The following RAG1 variants were observed in gnomAD, a reference collection of about 807,000 sequenced individuals.
The protein encoded by RAG1 is V(D)J recombination-activating protein 1.
RAG1 carries 35 observed loss-of-function variants against 62.7 expected under a neutral mutation model. The observed-to-expected ratio is 0.56, with a 90% CI of 0.43 to 0.74. The LOEUF is 0.74. RAG1 is among the 30% of genes least tolerant of loss of function. The probability of loss-of-function intolerance (pLI) is 0.00; values close to 1 mark genes in which losing one functional copy is unlikely to be tolerated. For missense variants in RAG1, 1,169 were observed against 1,278.6 expected, an observed-to-expected ratio of 0.91 and a Z score of 1.31; for synonymous variants, 461 against 470.3, an observed-to-expected ratio of 0.98 and a Z score of 0.26.
upstream of RAG1, chr11:36,566,313 A>G (rs530935112): frequency 1.1e-4 from 16 of 152,360 alleles, no homozygotes; most frequent in East Asian, 3.1e-3. Context: ...GGAAAGTCCA[A>G]AACAAACCAG....
intron 2 of RAG1, among the ~76,000 whole-genome samples, chr11:36,535,062 G>T (rs578203170): frequency 3.9e-5 from 6 of 152,292 alleles, no homozygotes; most frequent in African/African-American, 1.4e-4. Flanking sequence ...CCATAAAATT[G>T]TGTCATTTTG....
upstream of RAG1, among the ~76,000 whole-genome samples, chr11:36,565,218 C>T (rs73453401): frequency 0.074 from 11,312 of 152,240 alleles, 462 homozygotes; most frequent in African/African-American, 0.079. Flanking sequence ...CAAAATGCAG[C>T]GTTCACACAC....
intron 2 of RAG1, among the ~76,000 whole-genome samples, chr11:36,532,332 T>TATGTGTTA (rs1357666787): frequency 6.6e-6 from 1 of 152,178 alleles, no homozygotes; most frequent in African/African-American, 2.4e-5. Context: ...GGAAGTATTA[T>TATGTGTTA]ATGTGTTAAT....
chr11:36,558,812 T>G lies in RAG1; in HGVS notation c.-411-4573T>G, dbSNP rs1394571834. On this transcript the variant is annotated intron_variant and NMD_transcript_variant, in intron 3 of 9. Coordinates refer to the RAG1 transcript ENST00000534663. ...AGGACTTACTTCTGTCATTTTATTG[T>G]TTTCTGGTTGTTTTGCATTTCTCTT... Among the ~76,000 whole-genome samples the G allele has an allele frequency of 2.6e-5, 4 of 152,206 alleles. No individual in the cohort carries two copies. The South Asian group carries it at 8.3e-4, about 31-fold the overall frequency.
Position 36,531,432 on chromosome 11 carries a change from G to A in RAG1, n.429-4527G>A, listed in dbSNP as rs532582292. 2.5e-3 allele frequency among the ~76,000 whole-genome samples: 384 copies of A among 151,520 alleles called. 3 individuals are homozygous for A. Among genetic ancestry groups the A allele is most frequent in the African/African-American group, 8.6e-3 (354 of 41,364 alleles). On this transcript the variant is annotated intron_variant and non_coding_transcript_variant, in intron 2 of 2. Coordinates refer to the RAG1 transcript ENST00000529126. ...TTTTCTGTGAATTGCTTAAACATTCGTTAGAATTCCATTTTGATGTTTTAT... is the reference window on the plus strand; with the variant it reads ...TTTTCTGTGAATTGCTTAAACATTCATTAGAATTCCATTTTGATGTTTTAT...
intron 1 of RAG1, among the ~76,000 whole-genome samples, chr11:36,518,748 T>G (rs1158664649): frequency 6.6e-6 from 1 of 152,256 alleles, no homozygotes; most frequent in Non-Finnish European, 1.5e-5. Context: ...ATTAGCCCTT[T>G]GTCAGATGAG....
At chr11:36,545,751 TA>T (rs981630171) in intron 3 of RAG1, among the ~76,000 whole-genome samples, 2 of 152,128 alleles carry the variant, frequency 1.3e-5, no homozygotes, top group African/African-American at 2.4e-5. Context: ...ATTATAAACT[TA>T]AAAAAATAAA....
chr11:36,539,486 T>C (rs1300716775), downstream of RAG1, among the ~76,000 whole-genome samples: 12 of 152,166 alleles, frequency 7.9e-5, no homozygotes, highest in Non-Finnish European at 1.3e-4. Context: ...CCAGTTTTTT[T>C]TGTTTTTAGT....
In RAG1 at chr11:36,525,820, T is replaced by C. The variant is rs892295984; in HGVS notation, n.428+5591T>C. On this transcript the variant is annotated intron_variant and non_coding_transcript_variant, in intron 2 of 2. Coordinates refer to the RAG1 transcript ENST00000529126. ...TTTTTTTGTGAATTCTATGAGATTGTCTATATAGACAATCATGTCATCTGC... is the reference window on the plus strand; with the variant it reads ...TTTTTTTGTGAATTCTATGAGATTGCCTATATAGACAATCATGTCATCTGC... Among the ~76,000 whole-genome samples the C allele has an allele frequency of 4.6e-5, 7 of 152,196 alleles. No individual in the cohort carries two copies. In the East Asian group the frequency reaches 1.3e-3, roughly 29 times the overall value.
At chr11:36,558,505 T>A (rs1029030244) in intron 3 of RAG1, among the ~76,000 whole-genome samples, 6 of 152,196 alleles carry the variant, frequency 3.9e-5, no homozygotes, top group Non-Finnish European at 5.9e-5. Context: ...AATTGATTCA[T>A]TTATCATTAT....
intron 2 of RAG1, among the ~76,000 whole-genome samples, chr11:36,531,176 T>G (rs1428256157): frequency 6.6e-6 from 1 of 152,016 alleles, no homozygotes; most frequent in Non-Finnish European, 1.5e-5. Context: ...GGTTAATGTT[T>G]ACATGAAAAA....
intron 2 of RAG1, among the ~76,000 whole-genome samples, chr11:36,528,569 T>C (rs1225659083): frequency 1.3e-5 from 2 of 151,826 alleles, no homozygotes; most frequent in Admixed American, 1.3e-4. Flanking sequence ...CACCCTAACA[T>C]AATCACAATT....
chr11:36,544,683 A>T (rs1447252680), intron 3 of RAG1, among the ~76,000 whole-genome samples: 1 of 152,038 alleles, frequency 6.6e-6, no homozygotes, highest in East Asian at 1.9e-4. Context: ...TTAATGGTTG[A>T]TGTGGTCTGG....
intron 2 of RAG1, among the ~76,000 whole-genome samples, chr11:36,523,155 G>A (rs556616986): frequency 1.3e-5 from 2 of 152,182 alleles, no homozygotes; most frequent in East Asian, 3.8e-4. Context: ...AGAGGCCAGG[G>A]GTGGAATGAT....
At chr11:36,539,356 C>A (rs1322765104), downstream of RAG1, among the ~76,000 whole-genome samples, 1 of 152,202 alleles carries the variant, frequency 6.6e-6, no homozygotes, top group Non-Finnish European at 1.5e-5. Flanking sequence ...GAAATAAATG[C>A]TTGTTTAAGC....
At position 36,573,766 on chromosome 11, in the gene RAG1, C is replaced by G; in HGVS notation, c.462C>G (p.Leu154=). The G allele has an allele frequency of 6.2e-7, 1 of 1,614,128 alleles. No homozygotes were observed. The change falls in exon 2 of 2, where the codon CTC becomes CTG. Residue 154 remains leucine (L), a synonymous_variant. Coordinates refer to ENST00000299440, the MANE Select transcript of RAG1 (RefSeq NM_000448.3). ...KEKRATSWPD[L]IAKVFRIDVK... is the part of the protein sequence containing the mutation. Reference sequence around the variant, plus strand: ...AGAGAGCTACTTCCTGGCCGGACCTCATTGCCAAGGTTTTCCGGATCGATG... The same window carrying G: ...AGAGAGCTACTTCCTGGCCGGACCTGATTGCCAAGGTTTTCCGGATCGATG...
intron 1 of RAG1, among the ~76,000 whole-genome samples, chr11:36,515,213 A>T (rs1453015431): frequency 1.3e-5 from 2 of 152,152 alleles, no homozygotes; most frequent in Non-Finnish European, 2.9e-5. Context: ...AGAAGCAAGA[A>T]TAAGAATGTA....
At chr11:36,529,402 A>T (rs912774979) in intron 2 of RAG1, among the ~76,000 whole-genome samples, 7 of 152,316 alleles carry the variant, frequency 4.6e-5, no homozygotes, top group African/African-American at 1.7e-4. Flanking sequence ...CCACATGATT[A>T]TGTCAATAGG....
chr11:36,564,037 A>C (rs1391427442), upstream of RAG1, among the ~76,000 whole-genome samples: 3 of 152,206 alleles, frequency 2.0e-5, no homozygotes, highest in Non-Finnish European at 4.4e-5. Flanking sequence ...ATGCCTTACT[A>C]TTTTGTAAGG....
Sources: gnomAD v4.1 joint callset for allele counts (sites outside exome capture counted in the v4.1 genomes callset) on GRCh38, gnomAD v4.1.1 for gene constraint, MANE v1.5 for transcripts, NCBI Gene and HGNC (gene_info 2026-07-23, HGNC 2026-07-21) for gene names.